The following YARS1 variants were observed in gnomAD, a reference collection of about 807,000 sequenced individuals.
YARS1 encodes tyrosine--tRNA ligase, cytoplasmic.
Under a neutral mutation model 62.2 loss-of-function variants are expected in YARS1, and 36 were observed. The ratio of observed to expected loss-of-function variants is 0.58; its 90% CI spans 0.44 to 0.76. YARS1 has a LOEUF of 0.76. YARS1 is among the 30% of genes least tolerant of loss of function. The probability of loss-of-function intolerance (pLI) is 0.00; values close to 1 mark genes in which losing one functional copy is unlikely to be tolerated. For missense variants in YARS1, 524 were observed against 639.8 expected, an observed-to-expected ratio of 0.82 and a Z score of 1.95; for synonymous variants, 234 against 244.9, an observed-to-expected ratio of 0.96 and a Z score of 0.42.
intron 5 of YARS1, among the ~76,000 whole-genome samples, chr1:32,792,892 A>T (rs932145206): frequency 6.6e-6 from 1 of 150,846 alleles, no homozygotes; most frequent in Non-Finnish European, 1.5e-5. Flanking sequence ...AAAAAAATAA[A>T]AATAAAAATA....
chr1:32,805,877 G>A (rs933521732), intron 4 of YARS1, among the ~76,000 whole-genome samples: 2 of 152,122 alleles, frequency 1.3e-5, no homozygotes, highest in African/African-American at 4.8e-5. Flanking sequence ...GCAGAGAATT[G>A]CTTGAACCCG....
At chr1:32,811,222 T>C in intron 1 of YARS1, 165 bp from the exon 2 acceptor site, 1 of 1,055,330 alleles carries the variant, frequency 9.5e-7, no homozygotes, top group Non-Finnish European at 1.4e-6. Context: ...CTACCTTGTT[T>C]TAATCTGAAT....
At chr1:32,800,109 T>C (rs1569752387) in intron 4 of YARS1, among the ~76,000 whole-genome samples, 1 of 152,098 alleles carries the variant, frequency 6.6e-6, no homozygotes, top group African/African-American at 2.4e-5. Flanking sequence ...GCCTCACAAG[T>C]AGCTGGGACT....
chr1:32,816,890 G>A, intron 1 of YARS1: 1 of 560,564 alleles, frequency 1.8e-6, no homozygotes, highest in South Asian at 2.1e-5. Flanking sequence ...TATCCCCAGC[G>A]ACTAAGCACC....
chr1:32,803,010 T>G (rs1298762410), intron 4 of YARS1, among the ~76,000 whole-genome samples: 1 of 134,688 alleles, frequency 7.4e-6, no homozygotes, highest in African/African-American at 2.8e-5. Context: ...TGAGACAGAG[T>G]CTTGCATTGT....
chr1:32,776,782 C>T lies in YARS1; in HGVS notation c.1477-691G>A, dbSNP rs561117862. The stretch of plus-strand genomic sequence containing the variant: ...GAGATTGAGACCATCCTGGCTAATA[C>T]AGTGAAACCCCGTCTCTACTAAAAT... On this transcript the variant is annotated intron_variant, in intron 12 of 12. Coordinates refer to ENST00000373477, the MANE Select transcript of YARS1 (RefSeq NM_003680.4). The surrounding 1 kb of genome is among the most constrained non-coding windows in gnomAD (Gnocchi z 4.0). 3.3e-5 allele frequency among the ~76,000 whole-genome samples: 5 copies of T among 152,086 alleles called. No homozygotes were observed. The highest frequency in any genetic ancestry group is 1.2e-4 in the African/African-American group (5 of 41,544).
At chr1:32,788,169 A>G (rs1297463769) in intron 6 of YARS1, among the ~76,000 whole-genome samples, 1 of 152,238 alleles carries the variant, frequency 6.6e-6, no homozygotes, top group Non-Finnish European at 1.5e-5. Flanking sequence ...CTTTGTTTAT[A>G]GCACACAAAA....
intron 5 of YARS1, among the ~76,000 whole-genome samples, chr1:32,794,949 A>G: frequency 1.4e-5 from 2 of 140,086 alleles, no homozygotes; most frequent in African/African-American, 2.7e-5. Context: ...GGTTGCAGTG[A>G]GCCAAGATCA....
At chr1:32,787,512 AT>A (rs5773386) in intron 6 of YARS1, among the ~76,000 whole-genome samples, 24,901 of 142,264 alleles carry the variant, frequency 0.18, 2,282 homozygotes, top group African/African-American at 0.26. Flanking sequence ...ATAAATAAAG[AT>A]TTTTTTTTTT....
Position 32,781,490 on chromosome 1 carries a change from G to A in YARS1, c.1043-345C>T, listed in dbSNP as rs72874656. On this transcript the variant is annotated intron_variant, in intron 9 of 12. Transcript: ENST00000373477. ...TTCTAGCACTTTGGGAGGCTGAGAC[G>A]GGAGGATTGCTTAAGCCCAGGACTT... 1,600 of 305,228 alleles carry A rather than the reference G, an allele frequency of 5.2e-3. 23 individuals carry two copies. Among genetic ancestry groups the A allele is most frequent in the African/African-American group, 0.033 (1,495 of 45,726 alleles). The allele number at this position is 305,228 out of a possible 1,614,324, so 18.9% of individuals were successfully genotyped here.
chr1:32,811,804 C>T (rs1638593006), intron 1 of YARS1, among the ~76,000 whole-genome samples: 1 of 151,380 alleles, frequency 6.6e-6, no homozygotes, highest in African/African-American at 2.4e-5. Flanking sequence ...CTGCTAGTAT[C>T]ACCCTTGATG....
chr1:32,807,471 T>C lies in YARS1; in HGVS notation c.381-860A>G, dbSNP rs556660101. On this transcript the variant is annotated intron_variant, in intron 3 of 12. Coordinates refer to ENST00000373477, the MANE Select transcript of YARS1 (RefSeq NM_003680.4). Reference sequence around the variant, plus strand: ...TTTATGTTTTTCCTTTTATTTTTTTTTTTGAGACAGGGTCTCACTCTGTCA... The same window carrying C: ...TTTATGTTTTTCCTTTTATTTTTTTCTTTGAGACAGGGTCTCACTCTGTCA... Among the ~76,000 whole-genome samples, 3 of 152,198 alleles carry C rather than the reference T, an allele frequency of 2.0e-5. No individual in the cohort carries two copies. The East Asian group carries it at 5.8e-4, about 29-fold the overall frequency.
At chr1:32,777,524 T>C (rs944859541) in intron 12 of YARS1, among the ~76,000 whole-genome samples, 3 of 152,190 alleles carry the variant, frequency 2.0e-5, no homozygotes, top group East Asian at 1.9e-4. Context: ...GGCAGGAGAA[T>C]TGCTTGAACC....
intron 5 of YARS1, chr1:32,797,500 A>G: frequency 1.9e-6 from 1 of 536,596 alleles, no homozygotes; most frequent in Non-Finnish European, 3.3e-6. Context: ...TAAATCCAAC[A>G]GGTGCGGGAG....
Position 32,775,821 on chromosome 1 carries a change from G to C in YARS1, c.*160C>G. ...CCAGACAGGATGATCCTGGGTTCTG[G>C]GGAGGGTAAGCTGCCCCTTGCCGAG... On this transcript the variant is annotated 3_prime_UTR_variant, in exon 13 of 13. Transcript: ENST00000373477. 1 of 687,398 alleles carries C rather than the reference G, an allele frequency of 1.5e-6. No individual in the cohort carries two copies. The highest frequency in any genetic ancestry group is 1.7e-5 in the South Asian group (1 of 57,802). 42.6% of individuals were successfully genotyped at this position (687,398 alleles called of 1,614,324 possible).
chr1:32,797,913 C>A, intron 4 of YARS1, 70 bp from the exon 5 acceptor site: 1 of 1,377,774 alleles, frequency 7.3e-7, no homozygotes. Flanking sequence ...CTCTGTCGCC[C>A]AGGCTGGAGT....
At position 32,787,011 on chromosome 1, in the gene YARS1, C is replaced by G. The variant is rs776703606; in HGVS notation, c.749G>C (p.Cys250Ser). 2.5e-6 allele frequency: 4 copies of G among 1,614,094 alleles called. No individual in the cohort carries two copies. In the African/African-American group the frequency reaches 5.3e-5, roughly 22 times the overall value. ...ATTGTTCTCCACATTTCCTGGCTCA[C>G]AGAAGGCCTTCTTCAGTTTTTTCTT... ...DVKKKLKKAF[C>S]EPGNVENNGV... Residue 250 changes from cysteine to serine, a missense_variant, in exon 7 of 13, where the codon TGT (cysteine) becomes TCT (serine). Cys to Ser is a moderately radical substitution (Grantham distance 112). Transcript: ENST00000373477.
chr1:32,780,063 C>T lies in YARS1; in HGVS notation c.1334+22G>A, dbSNP rs765421671. On this transcript the variant is annotated intron_variant, in intron 11 of 12. Transcript: ENST00000373477. ...TTCCTGGCCTCCCCAGGTCCTGTGC[C>T]CCACTCCAAGTCCTCACTCACATAG... The T allele has an allele frequency of 1.9e-6, 3 of 1,613,894 alleles. No individual in the cohort carries two copies. In the East Asian group the frequency reaches 6.7e-5, roughly 36 times the overall value.
intron 3 of YARS1, among the ~76,000 whole-genome samples, chr1:32,808,164 A>G (rs1444515859): frequency 4.0e-5 from 6 of 151,670 alleles, no homozygotes; most frequent in East Asian, 3.9e-4. Context: ...TTGGCCTCCC[A>G]AAGTGCTGGG....
Sources: gnomAD v4.1 joint callset for allele counts (sites outside exome capture counted in the v4.1 genomes callset) on GRCh38, gnomAD v4.1.1 for gene constraint, Gnocchi (gnomAD v3.1) non-coding constraint, MANE v1.5 for transcripts, NCBI Gene and HGNC (gene_info 2026-07-23, HGNC 2026-07-21) for gene names.